Variants in DNAH11 observed in about 807,000 individuals in gnomAD.
The protein encoded by DNAH11 is dynein axonemal heavy chain 11.
Under a neutral mutation model 526.0 loss-of-function variants are expected in DNAH11, and 442 were observed. The ratio of observed to expected loss-of-function variants is 0.84; its 90% CI spans 0.78 to 0.91. The LOEUF (loss-of-function observed/expected upper bound fraction) is 0.91. Among genes scored for constraint, DNAH11 ranks in the 40% least tolerant of loss-of-function variants. The pLI is 0.00. For synonymous variants in DNAH11, 2,461 were observed against 1,935.9 expected, an observed-to-expected ratio of 1.27 and a Z score of -7.12; for missense variants, 6,989 against 5,448.7, an observed-to-expected ratio of 1.28 and a Z score of -8.90.
At chr7:21,792,169 A>G (rs1788504818) in intron 61 of DNAH11, among the ~76,000 whole-genome samples, 1 of 152,214 alleles carries the variant, frequency 6.6e-6, no homozygotes, top group Non-Finnish European at 1.5e-5. Flanking sequence ...ATCTATTAAA[A>G]TGATCATACA....
At chr7:21,880,084 C>CAAA (rs57931095) in intron 74 of DNAH11, among the ~76,000 whole-genome samples, 10 of 93,736 alleles carry the variant, frequency 1.1e-4, no homozygotes, top group Admixed American at 2.2e-4. Context: ...GACTCCGTCT[C>CAAA]AAAAAAAAAA....
intron 76 of DNAH11, among the ~76,000 whole-genome samples, chr7:21,888,927 A>T (rs1784230661): frequency 1.3e-5 from 2 of 152,168 alleles, no homozygotes; most frequent in African/African-American, 4.8e-5. Flanking sequence ...TTACCAATTT[A>T]AATTATACAA....
intron 62 of DNAH11, among the ~76,000 whole-genome samples, chr7:21,803,919 A>G (rs1789121100): frequency 6.6e-6 from 1 of 152,010 alleles, no homozygotes; most frequent in South Asian, 2.1e-4. Flanking sequence ...AAGTCTGGAA[A>G]AGTGGGGAAT....
rs542718615 is a variant in DNAH11, at chr7:21,744,569, A to G, written c.8286A>G (p.Arg2762=). Residue 2762 remains arginine, a synonymous_variant, in exon 50 of 82, where the codon AGA becomes AGG. Coordinates refer to ENST00000409508, the MANE Select transcript of DNAH11 (RefSeq NM_001277115.2). ...AAGATTGTGATTTGTTTCAGAGAAG[A>G]ATGCTGGAAACTGCTTATAAATATT... ...DKKDCDLFQR[R]MLETAYKYFE... is the part of the protein sequence containing the mutation. The G allele has an allele frequency of 6.2e-7, 1 of 1,613,582 alleles. No homozygotes were observed.
intron 46 of DNAH11, among the ~76,000 whole-genome samples, chr7:21,737,153 A>C (rs1785653579): frequency 6.6e-6 from 1 of 152,200 alleles, no homozygotes; most frequent in Non-Finnish European, 1.5e-5. Flanking sequence ...CAAATGGGCA[A>C]AGAAGATTAG....
intron 55 of DNAH11, among the ~76,000 whole-genome samples, chr7:21,773,067 G>A (rs973711186): frequency 6.6e-6 from 1 of 151,376 alleles, no homozygotes; most frequent in African/African-American, 2.4e-5. Flanking sequence ...TGTACAGAAT[G>A]CAATAAATAA....
chr7:21,687,506 C>T lies in DNAH11; in HGVS notation c.5903C>T (p.Ala1968Val), dbSNP rs377432830. Residue 1968 changes from alanine to valine, a missense_variant, in exon 34 of 82, where the codon GCC becomes GTC. Transcript: ENST00000409508. ...VAVQVKMIHD[A>V]IRNRKKRFVF... ...GTACAAGTGAAAATGATTCATGATG[C>T]CATCAGAAACAGGAAGAAGAGGTGA... The T allele has an allele frequency of 6.8e-6, 11 of 1,613,316 alleles. No individual in the cohort carries two copies. Among genetic ancestry groups the T allele is most frequent in the Non-Finnish European group, 9.3e-6 (11 of 1,179,728 alleles).
intron 25 of DNAH11, 42 bp from the exon 26 acceptor site, chr7:21,635,829 C>A (rs1334955350): frequency 2.0e-6 from 3 of 1,515,290 alleles, no homozygotes; most frequent in Non-Finnish European, 2.7e-6. Context: ...TCACATTCTA[C>A]TAAATTTAGC....
chr7:21,719,145 C>A (rs950414909), intron 43 of DNAH11, among the ~76,000 whole-genome samples: 4 of 152,070 alleles, frequency 2.6e-5, no homozygotes, highest in African/African-American at 7.2e-5. Context: ...CTACTTCTTT[C>A]TTTTGTTGTA....
At chr7:21,559,445 G>A (rs548000292) in intron 3 of DNAH11, among the ~76,000 whole-genome samples, 158 bp from the exon 4 acceptor site, 8 of 152,142 alleles carry the variant, frequency 5.3e-5, no homozygotes, top group South Asian at 2.1e-4. Context: ...ACAGAATAAC[G>A]TAACCCCACA....
chr7:21,818,784 T>C (rs1364155584), intron 65 of DNAH11, among the ~76,000 whole-genome samples: 1 of 152,190 alleles, frequency 6.6e-6, no homozygotes, highest in Non-Finnish European at 1.5e-5. Flanking sequence ...TTTTTTCTAA[T>C]ATACTTAAAA....
intron 35 of DNAH11, among the ~76,000 whole-genome samples, chr7:21,695,966 A>G (rs906699563): frequency 5.9e-5 from 9 of 152,218 alleles, no homozygotes; most frequent in Non-Finnish European, 1.2e-4. Flanking sequence ...CATGTGGCCA[A>G]TATTCCCTTA....
chr7:21,857,071 C>G (rs910364798), intron 68 of DNAH11, among the ~76,000 whole-genome samples: 1 of 151,884 alleles, frequency 6.6e-6, no homozygotes, highest in African/African-American at 2.4e-5. Context: ...ATAGAAAATC[C>G]CAAGAAACTC....
chr7:21,880,941 G>A, intron 75 of DNAH11, 48 bp downstream of exon 75: 1 of 1,492,078 alleles, frequency 6.7e-7, no homozygotes, highest in Non-Finnish European at 9.0e-7. Context: ...TTACAAAGCT[G>A]TCAGTCTTTG....
intron 65 of DNAH11, among the ~76,000 whole-genome samples, chr7:21,825,611 GCCT>G (rs1790250953): frequency 1.4e-5 from 2 of 146,728 alleles, no homozygotes; most frequent in Admixed American, 1.3e-4. Flanking sequence ...AACTATTCCT[GCCT>G]CCTTTTTTTT....
intron 74 of DNAH11, among the ~76,000 whole-genome samples, chr7:21,874,317 A>G (rs1219727696): frequency 8.9e-6 from 1 of 112,332 alleles, no homozygotes; most frequent in African/African-American, 3.8e-5. Context: ...AGACAAATGA[A>G]TACTTACATG....
At chr7:21,701,418 T>C (rs1444538254) in intron 36 of DNAH11, among the ~76,000 whole-genome samples, 1 of 151,978 alleles carries the variant, frequency 6.6e-6, no homozygotes, top group Non-Finnish European at 1.5e-5. Context: ...GCCTCCTAAG[T>C]AAATGAGACT....
chr7:21,682,813 A>C (rs537790411), intron 31 of DNAH11, among the ~76,000 whole-genome samples: 2 of 152,310 alleles, frequency 1.3e-5, no homozygotes, highest in African/African-American at 4.8e-5. Flanking sequence ...CATAAAGTGC[A>C]AGAAAATGCT....
chr7:21,573,717 A>G (rs1422847939), intron 8 of DNAH11, among the ~76,000 whole-genome samples: 2 of 152,104 alleles, frequency 1.3e-5, no homozygotes, highest in Non-Finnish European at 2.9e-5. Context: ...GTACATATGA[A>G]TACATGCCCA....
Sources: gnomAD v4.1 joint callset for allele counts (sites outside exome capture counted in the v4.1 genomes callset) on GRCh38, gnomAD v4.1.1 for gene constraint, MANE v1.5 for transcripts, NCBI Gene and HGNC (gene_info 2026-07-23, HGNC 2026-07-21) for gene names.